Variants in AGBL1 observed in about 807,000 individuals in gnomAD.
The protein encoded by AGBL1 is AGBL carboxypeptidase 1, also known as cytosolic carboxypeptidase 4.
AGBL1 carries 130 observed loss-of-function variants against 118.9 expected under a neutral mutation model. That is an observed-to-expected ratio of 1.09 (90% CI 0.95 to 1.26). The LOEUF (loss-of-function observed/expected upper bound fraction) is 1.26, where lower values mean the gene tolerates loss of function less well. Among genes scored for constraint, AGBL1 ranks in the 50% most tolerant of loss-of-function variants. The probability of loss-of-function intolerance (pLI) is 0.00; values close to 1 mark genes in which losing one functional copy is unlikely to be tolerated. For missense variants in AGBL1, 1,584 were observed against 1,298.1 expected (o/e 1.22, Z -3.38); for synonymous variants, 555 against 478.9 (o/e 1.16, Z -2.08).
In AGBL1 at chr15:86,227,121, C is replaced by T. The variant is rs568603821; in HGVS notation, c.526+2170C>T. On this transcript the variant is annotated intron_variant, in intron 6 of 22. Coordinates refer to ENST00000614907, the MANE Select transcript of AGBL1 (RefSeq NM_001386094.1). ...ATGTGTAAAAATGGCAGTACTGCCC[C>T]CTTCTACCAGAATCTAACATCCATG... is the stretch of plus-strand genomic sequence containing the variant. Among the ~76,000 whole-genome samples, 26 of 152,126 alleles carry T rather than the reference C, an allele frequency of 1.7e-4. 1 individual carries two copies. The South Asian group carries it at 5.4e-3, about 32-fold the overall frequency.
intron 12 of AGBL1, 122 bp from the exon 13 acceptor site, chr15:86,266,868 C>T: frequency 1.1e-6 from 1 of 883,596 alleles, no homozygotes. Context: ...GCCCTGCACT[C>T]CAGCCTGGGC....
At chr15:86,954,620 A>G (rs1337915595) in intron 23 of AGBL1, among the ~76,000 whole-genome samples, 1 of 152,110 alleles carries the variant, frequency 6.6e-6, no homozygotes, top group Non-Finnish European at 1.5e-5. Context: ...GGACATAAAC[A>G]TGGGAACATA....
At chr15:86,940,455 A>T (rs2080736402) in intron 23 of AGBL1, among the ~76,000 whole-genome samples, 1 of 152,108 alleles carries the variant, frequency 6.6e-6, no homozygotes, top group South Asian at 2.1e-4. Flanking sequence ...ACAAATACTC[A>T]TTAAGTACTG....
chr15:86,925,197 G>A (rs915858787), intron 23 of AGBL1, among the ~76,000 whole-genome samples: 3 of 108,822 alleles, frequency 2.8e-5, no homozygotes, highest in African/African-American at 1.1e-4. Context: ...AAGAAAAGAA[G>A]AAAAGAAGAA....
intron 5 of AGBL1, among the ~76,000 whole-genome samples, chr15:86,195,682 T>C (rs2077790399): frequency 6.6e-6 from 1 of 152,178 alleles, no homozygotes; most frequent in South Asian, 2.1e-4. Context: ...CACCAATAAA[T>C]GTCCATATAG....
chr15:86,941,650 A>G (rs2141655087), intron 23 of AGBL1, among the ~76,000 whole-genome samples: 1 of 152,280 alleles, frequency 6.6e-6, no homozygotes, highest in South Asian at 2.1e-4. Flanking sequence ...GCCCTTTGGA[A>G]TTTGCTGGAA....
chr15:86,505,968 G>A (rs925890245), intron 18 of AGBL1, among the ~76,000 whole-genome samples: 6 of 151,978 alleles, frequency 3.9e-5, no homozygotes, highest in East Asian at 1.9e-4. Flanking sequence ...GAAGTAATCC[G>A]TAAAGTCTAT....
intron 6 of AGBL1, among the ~76,000 whole-genome samples, chr15:86,241,889 G>T (rs1265088749): frequency 6.6e-6 from 1 of 152,154 alleles, no homozygotes; most frequent in African/African-American, 2.4e-5. Context: ...TTATGATTTG[G>T]CTGTGTCTCT....
At chr15:86,968,891 C>G (rs1472211122) in intron 23 of AGBL1, among the ~76,000 whole-genome samples, 1 of 151,862 alleles carries the variant, frequency 6.6e-6, no homozygotes, top group African/African-American at 2.4e-5. Context: ...AAGAGGCAAG[C>G]AAGCTCCCAC....
chr15:86,694,575 G>C (rs2086223685), intron 22 of AGBL1, among the ~76,000 whole-genome samples: 1 of 151,894 alleles, frequency 6.6e-6, no homozygotes, highest in Non-Finnish European at 1.5e-5. Flanking sequence ...TACTGATTTG[G>C]ATGCCATTTA....
At chr15:86,672,591 G>C (rs914101110) in intron 21 of AGBL1, among the ~76,000 whole-genome samples, 7 of 152,122 alleles carry the variant, frequency 4.6e-5, no homozygotes, top group African/African-American at 1.7e-4. Flanking sequence ...GAGCAGGCAG[G>C]TGTGACCTTC....
At chr15:86,753,414 T>G (rs1019506783) in intron 22 of AGBL1, among the ~76,000 whole-genome samples, 2 of 135,722 alleles carry the variant, frequency 1.5e-5, no homozygotes, top group Non-Finnish European at 3.3e-5. Flanking sequence ...TTTTTTTTTT[T>G]TGAGACAGAG....
intron 23 of AGBL1, among the ~76,000 whole-genome samples, chr15:86,960,503 A>G (rs2141684687): frequency 6.6e-6 from 1 of 152,212 alleles, no homozygotes; most frequent in South Asian, 2.1e-4. Flanking sequence ...TCAAAGATGT[A>G]AAGAAAACAG....
chr15:86,581,429 T>G (rs1451890792), intron 21 of AGBL1, among the ~76,000 whole-genome samples: 2 of 152,192 alleles, frequency 1.3e-5, no homozygotes, highest in Non-Finnish European at 2.9e-5. Flanking sequence ...TCAGATAAAT[T>G]ATCATAGAAA....
intron 17 of AGBL1, among the ~76,000 whole-genome samples, chr15:86,360,319 C>CTTTTTTTTTT (rs570573457): frequency 4.4e-5 from 6 of 136,024 alleles, no homozygotes; most frequent in Non-Finnish European, 3.2e-5. Flanking sequence ...GGGTTTTTTC[C>CTTTTTTTTTT]TTTTTTTTTT....
At chr15:86,262,589 A>G (rs1173529347) in intron 9 of AGBL1, 189 bp from the exon 10 acceptor site, 7 of 660,366 alleles carry the variant, frequency 1.1e-5, no homozygotes, top group Admixed American at 2.1e-5. Flanking sequence ...CAAGTCCTTT[A>G]TCTTCTTTCT....
At chr15:86,130,007 A>G (rs2076798611) in intron 1 of AGBL1, among the ~76,000 whole-genome samples, 1 of 152,204 alleles carries the variant, frequency 6.6e-6, no homozygotes. Context: ...TGCCAACTGT[A>G]GAGCTGTTCT....
intron 24 of AGBL1, among the ~76,000 whole-genome samples, chr15:86,990,897 A>G (rs2081330957): frequency 6.6e-6 from 1 of 152,282 alleles, no homozygotes; most frequent in East Asian, 1.9e-4. Flanking sequence ...TTAGAATGGC[A>G]TGAATGCTTT....
chr15:86,636,433 A>G (rs1225466024), intron 21 of AGBL1, among the ~76,000 whole-genome samples: 1 of 151,750 alleles, frequency 6.6e-6, no homozygotes, highest in East Asian at 1.9e-4. Flanking sequence ...TAAAACATAC[A>G]GAGAAGACAG....
Sources: gnomAD v4.1 joint callset for allele counts (sites outside exome capture counted in the v4.1 genomes callset) on GRCh38, gnomAD v4.1.1 for gene constraint, MANE v1.5 for transcripts, NCBI Gene and HGNC (gene_info 2026-07-23, HGNC 2026-07-21) for gene names.